KCNK1: variants seen among roughly 807,000 people sequenced by gnomAD.
The protein encoded by KCNK1 is potassium two pore domain channel subfamily K member 1, also known as potassium channel subfamily K member 1.
KCNK1 carries 10 observed loss-of-function variants against 22.2 expected under a neutral mutation model. The ratio of observed to expected loss-of-function variants is 0.45; its 90% CI spans 0.28 to 0.76. The LOEUF is 0.76. KCNK1 is among the 30% of genes least tolerant of loss of function. The probability of loss-of-function intolerance (pLI) is 0.14; values close to 1 mark genes in which losing one functional copy is unlikely to be tolerated. For missense variants in KCNK1, 378 were observed against 421.0 expected, an observed-to-expected ratio of 0.90 and a Z score of 0.89; for synonymous variants, 200 against 186.4, an observed-to-expected ratio of 1.07 and a Z score of -0.60.
chr1:233,670,022 C>T (rs775878187), intron 2 of KCNK1, among the ~76,000 whole-genome samples: 3 of 152,100 alleles, frequency 2.0e-5, no homozygotes, highest in South Asian at 2.1e-4. Context: ...CATACATTTT[C>T]GAAAATCCTT....
intron 1 of KCNK1, among the ~76,000 whole-genome samples, chr1:233,623,958 C>T (rs1657638758): frequency 6.6e-6 from 1 of 152,092 alleles, no homozygotes; most frequent in Admixed American, 6.5e-5. Flanking sequence ...AAAACAAAAG[C>T]AGGTAGAATG....
At position 233,671,449 on chromosome 1, in the gene KCNK1, CA is replaced by C; in HGVS notation, c.931del (p.Met311Ter). On this transcript the variant is annotated frameshift_variant, in exon 3 of 3. Transcript: ENST00000366621. LOFTEE classifies it low-confidence loss of function (END_TRUNC). ...CCTCGATCACAGACCAGGCAGCTGG[CA>C]TGAAAGAGGACCAGAAGCAAAATGA... is the stretch of plus-strand genomic sequence containing the variant. ...FSSITDQAAG[M>X]KEDQKQNEPF... 1 of 1,614,182 alleles carries C rather than the reference CA, an allele frequency of 6.2e-7. No individual in the cohort carries two copies. Among genetic ancestry groups the C allele is most frequent in the Non-Finnish European group, 8.5e-7 (1 of 1,180,022 alleles).
chr1:233,667,455 G>A lies in KCNK1; in HGVS notation c.751+465G>A, dbSNP rs148782515. Among the ~76,000 whole-genome samples, 1,193 of 152,256 alleles carry A rather than the reference G, an allele frequency of 7.8e-3. 46 individuals carry two copies. The East Asian group carries it at 0.1, about 13-fold the overall frequency. The stretch of plus-strand genomic sequence containing the variant: ...TGTAAAAATACATCATACAGGCCGG[G>A]CGCGGTGGCTCACGCCTGTAATCCC... On this transcript the variant is annotated intron_variant, in intron 2 of 2. Transcript: ENST00000366621.
chr1:233,658,811 T>C (rs904724597), intron 1 of KCNK1, among the ~76,000 whole-genome samples: 2 of 152,202 alleles, frequency 1.3e-5, no homozygotes, highest in African/African-American at 4.8e-5. Flanking sequence ...TAAAAGATTT[T>C]TTAAAATGGG....
chr1:233,618,152 A>T lies in KCNK1; in HGVS notation c.355+3626A>T, dbSNP rs575300046. On this transcript the variant is annotated intron_variant, in intron 1 of 2. Transcript: ENST00000366621. The stretch of plus-strand genomic sequence containing the variant: ...GAAGGTTAAGAGGAAGGCGAGAATG[A>T]TCTTCCTGCTTCTGCTGTTTTCTCA... Among the ~76,000 whole-genome samples, 5 of 152,264 alleles carry T rather than the reference A, an allele frequency of 3.3e-5. No homozygotes were observed. The South Asian group carries it at 1.0e-3, about 32-fold the overall frequency.
chr1:233,635,593 A>ATT (rs34927700), intron 1 of KCNK1, among the ~76,000 whole-genome samples: 5,782 of 151,698 alleles, frequency 0.038, 357 homozygotes, highest in African/African-American at 0.13. Flanking sequence ...TAAGCCAATA[A>ATT]TTTTTTTTTG....
chr1:233,614,846 G>A (rs1440120525), intron 1 of KCNK1, among the ~76,000 whole-genome samples: 2 of 152,324 alleles, frequency 1.3e-5, no homozygotes, highest in Admixed American at 1.3e-4. Flanking sequence ...CTGGGTGGCT[G>A]CAGGTGCTTC....
chr1:233,671,440 GGCA>G lies in KCNK1; in HGVS notation c.924_926del (p.Ala309del). ...TGTCCTTCTCCTCGATCACAGACCA[GGCA>G]GCTGGCATGAAAGAGGACCAGAAGC... On this transcript the variant is annotated inframe_deletion, in exon 3 of 3. Transcript: ENST00000366621. The G allele has an allele frequency of 6.2e-7, 1 of 1,614,188 alleles. No homozygotes were observed. Among genetic ancestry groups the G allele is most frequent in the Non-Finnish European group, 8.5e-7 (1 of 1,180,028 alleles).
intron 1 of KCNK1, among the ~76,000 whole-genome samples, chr1:233,638,462 G>A (rs1657942991): frequency 6.6e-6 from 1 of 152,056 alleles, no homozygotes; most frequent in African/African-American, 2.4e-5. Context: ...CAAGAAATGA[G>A]GGTTTTGCAG....
At chr1:233,626,747 T>C (rs753792794) in intron 1 of KCNK1, among the ~76,000 whole-genome samples, 3 of 152,198 alleles carry the variant, frequency 2.0e-5, no homozygotes, top group Non-Finnish European at 4.4e-5. Context: ...TGTAATATTG[T>C]TTTCTAATTT....
intron 1 of KCNK1, among the ~76,000 whole-genome samples, chr1:233,629,392 A>G (rs1416582830): frequency 6.6e-6 from 1 of 151,988 alleles, no homozygotes; most frequent in African/African-American, 2.4e-5. Context: ...GTTGTTAAGG[A>G]AAGGGACATA....
rs60224517 is a variant in KCNK1, at chr1:233,662,267, T to TCC, written c.356-4328_356-4327insCC. On this transcript the variant is annotated intron_variant, in intron 1 of 2. Transcript: ENST00000366621. Reference sequence around the variant, plus strand: ...CTTCTTCTTCTTCTTCTTCTTCTTCTTCTTCTCCTCCTCCTCCTCCTCTTC... The same window carrying TCC: ...CTTCTTCTTCTTCTTCTTCTTCTTCTCCTCTTCTCCTCCTCCTCCTCCTCTTC... Among the ~76,000 whole-genome samples the TCC allele has an allele frequency of 7.4e-3, 1,031 of 139,986 alleles. 30 individuals carry two copies. The East Asian group carries it at 0.1, about 14-fold the overall frequency. 91.8% of individuals were successfully genotyped at this position (139,986 alleles called of 152,430 possible).
At chr1:233,633,225 A>T (rs1657836623) in intron 1 of KCNK1, among the ~76,000 whole-genome samples, 1 of 150,492 alleles carries the variant, frequency 6.6e-6, no homozygotes, top group Non-Finnish European at 1.5e-5. Context: ...TGGATTTGCC[A>T]TTTGCCTTCT....
intron 1 of KCNK1, among the ~76,000 whole-genome samples, chr1:233,618,369 G>A (rs545850875): frequency 5.4e-5 from 8 of 148,634 alleles, no homozygotes; most frequent in Admixed American, 1.4e-4. Context: ...ATTTCCCACA[G>A]AACTTCTATA....
intron 2 of KCNK1, among the ~76,000 whole-genome samples, chr1:233,670,874 A>G (rs537742455): frequency 2.1e-4 from 32 of 152,356 alleles, no homozygotes; most frequent in African/African-American, 6.5e-4. Context: ...CTTTTCTAAA[A>G]CATCACTGGC....
intron 1 of KCNK1, among the ~76,000 whole-genome samples, chr1:233,658,771 A>C (rs759048262): frequency 1.2e-4 from 18 of 152,206 alleles, no homozygotes; most frequent in Non-Finnish European, 2.1e-4. Context: ...ATATATCCAA[A>C]CCTAGAAATG....
At chr1:233,653,861 A>G (rs1272381416) in intron 1 of KCNK1, among the ~76,000 whole-genome samples, 1 of 152,050 alleles carries the variant, frequency 6.6e-6, no homozygotes, top group African/African-American at 2.4e-5. Context: ...TTCTTCAGAG[A>G]GTCCTGACAA....
intron 1 of KCNK1, among the ~76,000 whole-genome samples, chr1:233,662,679 A>ACAACCATGTATGAG (rs1658418825): frequency 1.3e-5 from 2 of 152,208 alleles, no homozygotes; most frequent in African/African-American, 2.4e-5. Context: ...ACCACCCATT[A>ACAACCATGTATGAG]TACGTATACT....
intron 1 of KCNK1, among the ~76,000 whole-genome samples, chr1:233,631,715 G>C (rs549385200): frequency 6.6e-6 from 1 of 152,326 alleles, no homozygotes; most frequent in South Asian, 2.1e-4. Flanking sequence ...GGCTGAGCTA[G>C]AATTTAGCTG....
Sources: allele counts gnomAD v4.1 joint callset (sites outside exome capture counted in the v4.1 genomes callset), GRCh38; gene constraint gnomAD v4.1.1; transcripts MANE v1.5; gene names NCBI Gene and HGNC (gene_info 2026-07-23, HGNC 2026-07-21).